The following MARCHF11 variants were observed in gnomAD, a reference collection of about 807,000 sequenced individuals.
The protein encoded by MARCHF11 is E3 ubiquitin-protein ligase MARCHF11.
In MARCHF11, 29 loss-of-function variants were observed where a neutral mutation model predicts 37.3. That is an observed-to-expected ratio of 0.78 (90% confidence interval 0.58 to 1.06). The LOEUF (loss-of-function observed/expected upper bound fraction) is 1.06. MARCHF11 is among the 50% of genes least tolerant of loss of function. MARCHF11 has a pLI of 0.00. For synonymous variants in MARCHF11, 233 were observed against 228.0 expected, an observed-to-expected ratio of 1.02 and a Z score of -0.20; for missense variants, 482 against 533.4, an observed-to-expected ratio of 0.90 and a Z score of 0.95.
At chr5:16,085,216 A>T (rs1458994932) in intron 3 of MARCHF11, among the ~76,000 whole-genome samples, 6 of 151,604 alleles carry the variant, frequency 4.0e-5, no homozygotes, top group Admixed American at 2.0e-4. Flanking sequence ...TTTTTTTTTT[A>T]AAGTGATCCA....
intron 2 of MARCHF11, among the ~76,000 whole-genome samples, chr5:16,142,549 G>C (rs1737726213): frequency 2.6e-5 from 4 of 152,124 alleles, no homozygotes; most frequent in Admixed American, 2.6e-4. Context: ...TCTGGATCCA[G>C]GTTTCGAGGG....
intron 2 of MARCHF11, among the ~76,000 whole-genome samples, chr5:16,096,499 G>T (rs920368618): frequency 1.3e-5 from 2 of 152,196 alleles, no homozygotes; most frequent in Non-Finnish European, 2.9e-5. Flanking sequence ...ACATGGCCCA[G>T]AATTGGGTAT....
intron 2 of MARCHF11, among the ~76,000 whole-genome samples, chr5:16,138,354 G>A (rs1209604287): frequency 1.3e-5 from 2 of 152,214 alleles, no homozygotes; most frequent in African/African-American, 2.4e-5. Flanking sequence ...CAGCTTACAC[G>A]TGGTGTTGGG....
At chr5:16,175,531 T>C (rs1322554732) in intron 2 of MARCHF11, among the ~76,000 whole-genome samples, 1 of 152,196 alleles carries the variant, frequency 6.6e-6, no homozygotes. Context: ...TAGTAGAAGT[T>C]ACTTAACTTT....
intron 2 of MARCHF11, among the ~76,000 whole-genome samples, chr5:16,149,273 G>A (rs530358738): frequency 6.6e-5 from 10 of 152,160 alleles, no homozygotes; most frequent in Admixed American, 2.0e-4. Flanking sequence ...AAAGATCTAC[G>A]GCCTGAATTA....
chr5:16,088,382 T>C (rs939589126), intron 3 of MARCHF11, among the ~76,000 whole-genome samples: 1 of 152,170 alleles, frequency 6.6e-6, no homozygotes, highest in African/African-American at 2.4e-5. Flanking sequence ...GTTCAACACA[T>C]AGAAAGTTCC....
At chr5:16,087,814 A>C (rs1337662178) in intron 3 of MARCHF11, among the ~76,000 whole-genome samples, 1 of 152,246 alleles carries the variant, frequency 6.6e-6, no homozygotes, top group African/African-American at 2.4e-5. Flanking sequence ...TAAGTAAATA[A>C]ATTTCCCCAA....
At position 16,067,768 on chromosome 5, in the gene MARCHF11, T is replaced by A; in HGVS notation, c.912A>T (p.Ala304=). The change falls in exon 4 of 4, where the codon GCA becomes GCT. Residue 304 remains alanine, a synonymous_variant. Transcript: ENST00000332432. ...CIGLIVHEGA[A]VYRVFKRWRA... ...GCCAGCGCTTAAACACTCTGTAAAC[T>A]GCAGCTCCTTCATGAACAATGAGAC... is the stretch of plus-strand genomic sequence containing the variant. 6.2e-7 allele frequency: 1 copy of A among 1,612,588 alleles called. No individual in the cohort carries two copies. Among genetic ancestry groups the A allele is most frequent in the Non-Finnish European group, 8.5e-7 (1 of 1,179,030 alleles).
intron 1 of MARCHF11, 43 bp downstream of exon 1, chr5:16,178,996 C>A: frequency 1.4e-6 from 2 of 1,386,150 alleles, no homozygotes; most frequent in Non-Finnish European, 9.3e-7. Context: ...CCGGCGCGAG[C>A]TGGAGCCGCC....
chr5:16,094,920 T>C (rs1736841696), intron 2 of MARCHF11, among the ~76,000 whole-genome samples: 1 of 152,228 alleles, frequency 6.6e-6, no homozygotes, highest in Non-Finnish European at 1.5e-5. Flanking sequence ...ACAACTCATC[T>C]ATGAGGGAAT....
At chr5:16,112,378 A>T (rs1048534468) in intron 2 of MARCHF11, among the ~76,000 whole-genome samples, 4 of 152,182 alleles carry the variant, frequency 2.6e-5, no homozygotes, top group Non-Finnish European at 5.9e-5. Context: ...CGTGACCTGG[A>T]TGTGAGACAT....
At chr5:16,119,843 T>A (rs1051779913) in intron 2 of MARCHF11, among the ~76,000 whole-genome samples, 3 of 152,302 alleles carry the variant, frequency 2.0e-5, no homozygotes, top group Admixed American at 2.0e-4. Flanking sequence ...AAAAACTCAA[T>A]CCACAGATTC....
rs1374329956 is a variant in MARCHF11, at chr5:16,090,895, A to T, written c.880T>A (p.Cys294Ser). ...TTGAAGGTCATGGTCTTACCTATGC[A>T]CACTAGATCCATAAAACCATACATT... ...YGMYGFMDLV[C>S]IGLIVHEGAA... The change falls in exon 3 of 4, where the codon TGC becomes AGC. Residue 294 changes from cysteine to serine, a missense_variant. Coordinates refer to ENST00000332432, the MANE Select transcript of MARCHF11 (RefSeq NM_001102562.3). The T allele has an allele frequency of 3.8e-6, 6 of 1,589,980 alleles. No homozygotes were observed.
chr5:16,075,852 G>A (rs2126545944), intron 3 of MARCHF11, among the ~76,000 whole-genome samples: 1 of 152,252 alleles, frequency 6.6e-6, no homozygotes, highest in Non-Finnish European at 1.5e-5. Context: ...GGGAACATAT[G>A]GGCAGGGCAG....
chr5:16,165,302 G>C (rs1738150996), intron 2 of MARCHF11, among the ~76,000 whole-genome samples: 1 of 151,780 alleles, frequency 6.6e-6, no homozygotes, highest in South Asian at 2.1e-4. Flanking sequence ...AAGTTACAAA[G>C]GTTGTGCAAA....
intron 3 of MARCHF11, among the ~76,000 whole-genome samples, chr5:16,089,550 C>A (rs1736757909): frequency 6.7e-6 from 1 of 149,888 alleles, no homozygotes; most frequent in South Asian, 2.1e-4. Context: ...GAAATTTGAT[C>A]ATTTTCTTTC....
At chr5:16,111,538 TC>T (rs901430441) in intron 2 of MARCHF11, among the ~76,000 whole-genome samples, 1 of 152,164 alleles carries the variant, frequency 6.6e-6, no homozygotes, top group African/African-American at 2.4e-5. Context: ...AGCAAAGCAT[TC>T]AAGAGGTGAC....
chr5:16,160,170 C>A (rs1432443904), intron 2 of MARCHF11, among the ~76,000 whole-genome samples: 1 of 149,114 alleles, frequency 6.7e-6, no homozygotes, highest in African/African-American at 2.5e-5. Context: ...AGAAAAATAT[C>A]TAAAATATTT....
At chr5:16,131,110 A>T (rs551326327) in intron 2 of MARCHF11, among the ~76,000 whole-genome samples, 1 of 152,370 alleles carries the variant, frequency 6.6e-6, no homozygotes, top group South Asian at 2.1e-4. Context: ...ACAAATCAAC[A>T]TGTAATATTA....
Sources: allele counts gnomAD v4.1 joint callset (sites outside exome capture counted in the v4.1 genomes callset), GRCh38; gene constraint gnomAD v4.1.1; transcripts MANE v1.5; gene names NCBI Gene and HGNC (gene_info 2026-07-23, HGNC 2026-07-21).